PGAP1: variants seen among roughly 807,000 people sequenced by gnomAD.
PGAP1 encodes the protein post-GPI attachment to proteins inositol deacylase 1.
PGAP1 carries 76 observed loss-of-function variants against 127.0 expected under a neutral mutation model. That is an observed-to-expected ratio of 0.60 (90% CI 0.50 to 0.72). PGAP1 has a LOEUF of 0.72. Ranked by LOEUF, PGAP1 falls within the 30% of genes least tolerant of loss-of-function variation. The pLI is 0.00. For missense variants in PGAP1, 982 were observed against 1,071.3 expected (o/e 0.92, Z 1.16); for synonymous variants, 362 against 366.5 (o/e 0.99, Z 0.14).
Position 196,880,108 on chromosome 2 carries a change from C to G in PGAP1, c.1318G>C (p.Val440Leu). ...LQDYPSLSHL[V>L]VYVPSVRGSK... ...CCACGAACAGATGGTACATAAACAA[C>G]AAGATGAGACAAAGATGGATAGTCT... The change falls in exon 13 of 27, where the codon GTT becomes CTT. Residue 440 changes from valine to leucine, a missense_variant. By Grantham distance (32) the Val-to-Leu change is conservative (BLOSUM62 1). Transcript: ENST00000354764. 1 of 1,596,572 alleles carries G rather than the reference C, an allele frequency of 6.3e-7. No homozygotes were observed.
rs1412479685 is a variant in PGAP1 at position 196,873,669 on chromosome 2, A to T, written c.1500+16T>A. Reference sequence around the variant, plus strand: ...AGTAAAATCAAATCCTTTTTCTTGTAGTCAGGATTAATTACCTGTCCAAAG... The same window carrying T: ...AGTAAAATCAAATCCTTTTTCTTGTTGTCAGGATTAATTACCTGTCCAAAG... On this transcript the variant is annotated intron_variant, in intron 15 of 26. Transcript: ENST00000354764. The T allele has an allele frequency of 6.2e-7, 1 of 1,602,590 alleles. No homozygotes were observed. Among genetic ancestry groups the T allele is most frequent in the South Asian group, 1.1e-5 (1 of 90,720 alleles).
intron 5 of PGAP1, among the ~76,000 whole-genome samples, chr2:196,902,358 A>T (rs1040292789): frequency 3.3e-5 from 5 of 152,140 alleles, no homozygotes; most frequent in African/African-American, 4.8e-5. Context: ...CTCCCTATGG[A>T]CATAAGCATC....
At chr2:196,852,246 T>C (rs1260607063) in intron 20 of PGAP1, among the ~76,000 whole-genome samples, 4 of 152,184 alleles carry the variant, frequency 2.6e-5, no homozygotes, top group Admixed American at 1.3e-4. Flanking sequence ...TTTATACATA[T>C]GTACATGTAT....
intron 12 of PGAP1, among the ~76,000 whole-genome samples, chr2:196,882,487 G>A (rs1411426816): frequency 6.6e-6 from 1 of 152,152 alleles, no homozygotes; most frequent in Non-Finnish European, 1.5e-5. Flanking sequence ...CATGGTCATG[G>A]AATGTTTATC....
chr2:196,905,133 C>A (rs750152070), intron 4 of PGAP1, among the ~76,000 whole-genome samples: 2 of 152,038 alleles, frequency 1.3e-5, no homozygotes, highest in Non-Finnish European at 2.9e-5. Flanking sequence ...ACAGTGCCAC[C>A]CTCCAAAGCA....
At chr2:196,917,877 G>C (rs1330143828) in intron 2 of PGAP1, among the ~76,000 whole-genome samples, 1 of 151,990 alleles carries the variant, frequency 6.6e-6, no homozygotes, top group Non-Finnish European at 1.5e-5. Flanking sequence ...GGCCACATGA[G>C]AGCTCTATGT....
intron 11 of PGAP1, 45 bp from the exon 12 acceptor site, chr2:196,885,520 A>C (rs752990990): frequency 1.5e-6 from 2 of 1,292,404 alleles, no homozygotes; most frequent in Non-Finnish European, 2.2e-6. Context: ...AAATATATGG[A>C]AGTATTACAA....
chr2:196,925,031 C>T (rs1273604307), intron 1 of PGAP1, among the ~76,000 whole-genome samples: 2 of 152,098 alleles, frequency 1.3e-5, no homozygotes, highest in African/African-American at 4.8e-5. Flanking sequence ...ATTATAATAG[C>T]TCTATTTTCA....
At chr2:196,911,614 A>T (rs1253935881) in intron 4 of PGAP1, among the ~76,000 whole-genome samples, 7 of 140,616 alleles carry the variant, frequency 5.0e-5, no homozygotes, top group Non-Finnish European at 7.6e-5. Flanking sequence ...AATAAAAAAA[A>T]AAAAAAAAAA....
At chr2:196,922,255 CTAAAA>C in intron 1 of PGAP1, 1 of 1,215,132 alleles carries the variant, frequency 8.2e-7, no homozygotes, top group Non-Finnish European at 1.1e-6. Context: ...ATTTAAGAAA[CTAAAA>C]TATCTATTTT....
rs763679434 is a variant in PGAP1 at position 196,847,949 on chromosome 2, C to G, written c.1950G>C (p.Leu650Phe). ...TTATCACAGATAATAAAACTTACCC[C>G]AACAGAAACTTAATGATAATTACAA... The part of the protein sequence containing the change: ...DPFVIIIKFL[L>F]GYKWFKELWD... Residue 650 changes from leucine (L) to phenylalanine (F), a missense_variant and splice_region_variant, in exon 21 of 27, where the codon TTG (leucine) becomes TTC (phenylalanine). Physicochemically the swap from Leu to Phe is conservative, Grantham distance 22. Coordinates refer to ENST00000354764, the MANE Select transcript of PGAP1 (RefSeq NM_024989.4). 30 of 1,568,288 alleles carry G rather than the reference C, an allele frequency of 1.9e-5. No homozygotes were observed. The highest frequency in any genetic ancestry group is 2.6e-5 in the Non-Finnish European group (30 of 1,158,284).
chr2:196,912,860 A>T (rs1702876630), intron 4 of PGAP1, 22 bp downstream of exon 4: 1 of 1,550,042 alleles, frequency 6.5e-7, no homozygotes. Flanking sequence ...GGGGAGGTTA[A>T]TGTTCATGTA....
intron 19 of PGAP1, among the ~76,000 whole-genome samples, chr2:196,867,714 G>T (rs1035274082): frequency 6.6e-6 from 1 of 152,016 alleles, no homozygotes; most frequent in Non-Finnish European, 1.5e-5. Flanking sequence ...AATTTTTTTA[G>T]AACATGTATA....
At chr2:196,848,208 CTTATA>C (rs1303382395) in intron 20 of PGAP1, among the ~76,000 whole-genome samples, 171 bp from the exon 21 acceptor site, 2 of 152,060 alleles carry the variant, frequency 1.3e-5, no homozygotes, top group Non-Finnish European at 2.9e-5. Flanking sequence ...TTCAATGGTT[CTTATA>C]TTAGAGTACA....
intron 20 of PGAP1, among the ~76,000 whole-genome samples, chr2:196,856,560 T>A (rs1364462106): frequency 6.6e-6 from 1 of 152,212 alleles, no homozygotes; most frequent in African/African-American, 2.4e-5. Context: ...GAGAGCCCTG[T>A]AAGCTGAAAC....
At position 196,893,210 on chromosome 2, in the gene PGAP1, C is replaced by T. The variant is rs1221342519; in HGVS notation, c.963G>A (p.Leu321=). ...TQNSKKKLSV[L]YHHFIRHPSK... Reference sequence around the variant, plus strand: ...ATGGGTGTCTTATAAAGTGGTGATACAAAACTGACAGTTTCTTCTTGGAAT... The same window carrying T: ...ATGGGTGTCTTATAAAGTGGTGATATAAAACTGACAGTTTCTTCTTGGAAT... The change falls in exon 8 of 27, where the codon TTG becomes TTA. Residue 321 remains leucine, a synonymous_variant. Coordinates refer to ENST00000354764, the MANE Select transcript of PGAP1 (RefSeq NM_024989.4). 3.5e-5 allele frequency: 56 copies of T among 1,596,812 alleles called. No homozygotes were observed. Among genetic ancestry groups the T allele is most frequent in the Admixed American group, 6.8e-5 (4 of 58,862 alleles).
chr2:196,842,164 G>C (rs934468011), intron 26 of PGAP1, among the ~76,000 whole-genome samples: 3 of 151,946 alleles, frequency 2.0e-5, no homozygotes, highest in African/African-American at 7.2e-5. Flanking sequence ...TAGAGAAACT[G>C]AGAATAAGAG....
chr2:196,877,608 T>C (rs552219754), intron 13 of PGAP1: 3 of 152,264 alleles, frequency 2.0e-5, no homozygotes, highest in Non-Finnish European at 1.5e-5. Context: ...GTTTTAGTAT[T>C]GCAGATGCTG....
rs1700267188 is a variant in PGAP1, at chr2:196,837,390, G to A, written c.*3844C>T. 1 of 152,244 alleles carries A rather than the reference G, an allele frequency of 6.6e-6. No individual in the cohort carries two copies. The highest frequency in any genetic ancestry group is 1.5e-5 in the Non-Finnish European group (1 of 68,092). The allele number at this position is 152,244 out of a possible 1,614,324, so 9.4% of individuals were successfully genotyped here. A position where few individuals can be genotyped will look rare whatever the true frequency, so the allele number is the denominator to read the frequency against. On this transcript the variant is annotated 3_prime_UTR_variant, in exon 27 of 27. Transcript: ENST00000354764. ...TGCCTGAAATCCCACTACTTTGGGA[G>A]GCCGAGGTGGGAGGATCGCTTGAAA...
Sources: allele counts gnomAD v4.1 joint callset (sites outside exome capture counted in the v4.1 genomes callset), GRCh38; gene constraint gnomAD v4.1.1; transcripts MANE v1.5; gene names NCBI Gene and HGNC (gene_info 2026-07-23, HGNC 2026-07-21).